Variants in BDH2 observed in about 807,000 individuals in gnomAD.
BDH2 encodes dehydrogenase/reductase SDR family member 6.
Under a neutral mutation model 33.2 loss-of-function variants are expected in BDH2, and 24 were observed. The ratio of observed to expected loss-of-function variants is 0.72; its 90% CI spans 0.52 to 1.02. The LOEUF (loss-of-function observed/expected upper bound fraction) is 1.02. Among genes scored for constraint, BDH2 ranks in the 50% least tolerant of loss-of-function variants. BDH2 has a pLI of 0.00. For missense variants in BDH2, 249 were observed against 301.6 expected (o/e 0.83, Z 1.29); for synonymous variants, 81 against 101.6 (o/e 0.80, Z 1.22).
chr4:103,086,639 G>A, intron 5 of BDH2, 99 bp from the exon 6 acceptor site: 1 of 1,425,944 alleles, frequency 7.0e-7, no homozygotes, highest in South Asian at 1.3e-5. Flanking sequence ...TTTGCAGAAT[G>A]AATTTAATTA....
chr4:103,082,011 T>C, intron 9 of BDH2, 70 bp downstream of exon 9: 2 of 1,252,312 alleles, frequency 1.6e-6, no homozygotes, highest in Non-Finnish European at 2.3e-6. Flanking sequence ...AAAATGATAT[T>C]ATTTTGATGA....
At chr4:103,099,158 T>C (rs758382829) in intron 1 of BDH2, 3 of 152,158 alleles carry the variant, frequency 2.0e-5, no homozygotes, top group Non-Finnish European at 4.4e-5. Flanking sequence ...TTAGTGATAT[T>C]GGGTGTATGG....
chr4:103,091,605 C>T (rs1748096474), intron 4 of BDH2: 2 of 419,412 alleles, frequency 4.8e-6, no homozygotes, highest in Admixed American at 3.1e-5. Flanking sequence ...CAGGGCTAGG[C>T]ATGGTAGCAC....
At chr4:103,090,751 T>C (rs909179577) in intron 5 of BDH2, among the ~76,000 whole-genome samples, 3 of 152,216 alleles carry the variant, frequency 2.0e-5, no homozygotes, top group African/African-American at 7.2e-5. Flanking sequence ...CTTCTTGGAC[T>C]GCTATGCCAG....
rs745936701 is a variant in BDH2 at position 103,082,973 on chromosome 4, G to A, written c.533-44C>T. 8 of 1,518,876 alleles carry A rather than the reference G, an allele frequency of 5.3e-6. No individual in the cohort carries two copies. The East Asian group carries it at 1.1e-4, about 21-fold the overall frequency. The allele number at this position is 1,518,876 out of a possible 1,614,324, so 94.1% of individuals were successfully genotyped here. ...TTCAGCTTGGTTACTCACTTTCACT[G>A]AAAAAGAAATCGATAACTAAACTTC... On this transcript the variant is annotated intron_variant, in intron 7 of 9. Coordinates refer to ENST00000296424, the MANE Select transcript of BDH2 (RefSeq NM_020139.4).
chr4:103,097,185 A>C (rs1025041338), intron 1 of BDH2, among the ~76,000 whole-genome samples: 2 of 152,218 alleles, frequency 1.3e-5, no homozygotes, highest in Non-Finnish European at 2.9e-5. Flanking sequence ...AATGTCATAG[A>C]GCCAGTCAAT....
chr4:103,082,757 A>T, intron 8 of BDH2, 114 bp downstream of exon 8: 1 of 920,288 alleles, frequency 1.1e-6, no homozygotes, highest in Non-Finnish European at 1.8e-6. Context: ...CCCTCCTTCC[A>T]AGCCCCTGGC....
At chr4:103,097,147 C>T (rs1030931048) in intron 1 of BDH2, among the ~76,000 whole-genome samples, 11 of 151,892 alleles carry the variant, frequency 7.2e-5, no homozygotes, top group African/African-American at 2.4e-4. Context: ...TCCCATTTTA[C>T]AGATGAGGAA....
At chr4:103,082,994 A>T in intron 7 of BDH2, 65 bp from the exon 8 acceptor site, 1 of 1,387,796 alleles carries the variant, frequency 7.2e-7, no homozygotes, top group Non-Finnish European at 1.0e-6. Flanking sequence ...CGATAACTAA[A>T]CTTCCTTTCC....
chr4:103,082,099 C>A lies in BDH2; in HGVS notation c.666G>T (p.Val222=), dbSNP rs1450375964. The A allele has an allele frequency of 2.5e-6, 4 of 1,613,986 alleles. No homozygotes were observed. Among genetic ancestry groups the A allele is most frequent in the Non-Finnish European group, 2.5e-6 (3 of 1,179,952 alleles). ...TGCTTACTTCATCAGAAGCCAAATA[C>A]ACGCAGAGCATGGCTATTTCTTCTG... ...ATAEEIAMLC[V]YLASDESAYV... Residue 222 remains valine, a synonymous_variant, in exon 9 of 10, where the codon GTG becomes GTT. Transcript: ENST00000296424.
chr4:103,087,298 C>T (rs541898643), intron 5 of BDH2, among the ~76,000 whole-genome samples: 47 of 152,068 alleles, frequency 3.1e-4, no homozygotes, highest in Middle Eastern at 3.4e-3. Context: ...CTGGGTTTTA[C>T]CCTGAAGGTG....
chr4:103,082,105 G>C lies in BDH2; in HGVS notation c.660C>G (p.Leu220=), dbSNP rs1204767210. 4 of 1,614,036 alleles carry C rather than the reference G, an allele frequency of 2.5e-6. No homozygotes were observed. The highest frequency in any genetic ancestry group is 3.4e-6 in the Non-Finnish European group (4 of 1,180,004). ...CTTCATCAGAAGCCAAATACACGCA[G>C]AGCATGGCTATTTCTTCTGCAGTTG... is the stretch of plus-strand genomic sequence containing the variant. ...RFATAEEIAM[L]CVYLASDESA... is the part of the protein sequence containing the mutation. The change falls in exon 9 of 10, where the codon CTC becomes CTG. Residue 220 remains leucine (L), a synonymous_variant. Coordinates refer to ENST00000296424, the MANE Select transcript of BDH2 (RefSeq NM_020139.4).
At chr4:103,095,760 G>C (rs1012482049) in intron 2 of BDH2, among the ~76,000 whole-genome samples, 6 of 152,282 alleles carry the variant, frequency 3.9e-5, no homozygotes, top group South Asian at 2.1e-4. Flanking sequence ...GCCGATATTA[G>C]CTTAAGTGGG....
chr4:103,083,054 C>T (rs1454447400), intron 7 of BDH2, 125 bp from the exon 8 acceptor site: 24 of 822,570 alleles, frequency 2.9e-5, no homozygotes, highest in Non-Finnish European at 4.3e-5. Context: ...GACAACTTTA[C>T]AGCTGCCTGC....
rs7662605 is a variant in BDH2, at chr4:103,085,251, T to C, written c.532+98A>G. 390 of 906,142 alleles carry C rather than the reference T, an allele frequency of 4.3e-4. 2 individuals are homozygous for C. The African/African-American group carries it at 5.1e-3, about 12-fold the overall frequency. 56.1% of individuals were successfully genotyped at this position (906,142 alleles called of 1,614,324 possible). A position where few individuals can be genotyped will look rare whatever the true frequency, so the allele number is the denominator to read the frequency against. ...GCAACTATTATACTAAACTCTGCCT[T>C]TGTAGCATGAAAACAGCCATAGGCA... On this transcript the variant is annotated intron_variant, in intron 7 of 9. Coordinates refer to ENST00000296424, the MANE Select transcript of BDH2 (RefSeq NM_020139.4).
chr4:103,091,744 C>T, intron 4 of BDH2: 1 of 452,228 alleles, frequency 2.2e-6, no homozygotes, highest in Non-Finnish European at 4.4e-6. Flanking sequence ...AACCCTGTTT[C>T]AGAAAAAAAA....
At chr4:103,092,382 G>A (rs975590146) in intron 4 of BDH2, 2 of 562,996 alleles carry the variant, frequency 3.6e-6, no homozygotes, top group Non-Finnish European at 6.3e-6. Context: ...CATCTGTCTT[G>A]AGTAGACCTC....
In BDH2 at chr4:103,079,348, G is replaced by A. The variant is rs1251106116; in HGVS notation, c.*354C>T. 1 of 180,510 alleles carries A rather than the reference G, an allele frequency of 5.5e-6. No homozygotes were observed. The highest frequency in any genetic ancestry group is 1.2e-5 in the Non-Finnish European group (1 of 86,436). 11.2% of individuals were successfully genotyped at this position (180,510 alleles called of 1,614,324 possible). A position where few individuals can be genotyped will look rare whatever the true frequency, so the allele number is the denominator to read the frequency against. Reference sequence around the variant, plus strand: ...TGGCACCTTTATCTTGCACTTCCTAGCCTCCAGACTGAAAAATAAATGTTT... The same window carrying A: ...TGGCACCTTTATCTTGCACTTCCTAACCTCCAGACTGAAAAATAAATGTTT... On this transcript the variant is annotated 3_prime_UTR_variant, in exon 10 of 10. Transcript: ENST00000296424.
At chr4:103,089,807 A>C (rs1343074879) in intron 5 of BDH2, among the ~76,000 whole-genome samples, 1 of 152,170 alleles carries the variant, frequency 6.6e-6, no homozygotes, top group Non-Finnish European at 1.5e-5. Flanking sequence ...AGTTTCTCAT[A>C]AACTCCAAAT....
Sources: gnomAD v4.1 joint callset for allele counts (sites outside exome capture counted in the v4.1 genomes callset) on GRCh38, gnomAD v4.1.1 for gene constraint, MANE v1.5 for transcripts, NCBI Gene and HGNC (gene_info 2026-07-23, HGNC 2026-07-21) for gene names.